HSDL2: variants seen among roughly 807,000 people sequenced by gnomAD.
The protein encoded by HSDL2 is hydroxysteroid dehydrogenase like 2.
Under a neutral mutation model 46.3 loss-of-function variants are expected in HSDL2, and 27 were observed. The ratio of observed to expected loss-of-function variants is 0.58; its 90% CI spans 0.43 to 0.80. The LOEUF is 0.80. HSDL2 is among the 30% of genes least tolerant of loss of function. HSDL2 has a pLI of 0.00. For synonymous variants in HSDL2, 153 were observed against 163.6 expected (o/e 0.94, Z 0.50); for missense variants, 451 against 502.7 (o/e 0.90, Z 0.98).
intron 8 of HSDL2, among the ~76,000 whole-genome samples, chr9:112,448,405 T>C (rs1832795025): frequency 1.3e-5 from 2 of 152,168 alleles, no homozygotes; most frequent in Admixed American, 6.6e-5. Context: ...AGATGGACAT[T>C]TTTTTAATCA....
chr9:112,431,496 C>A (rs188588998), intron 6 of HSDL2, among the ~76,000 whole-genome samples: 1 of 152,078 alleles, frequency 6.6e-6, no homozygotes, highest in African/African-American at 2.4e-5. Flanking sequence ...GGGAGTGATA[C>A]AGTTTGGATG....
intron 8 of HSDL2, among the ~76,000 whole-genome samples, chr9:112,449,806 C>T (rs1470084125): frequency 4.6e-5 from 7 of 151,290 alleles, no homozygotes; most frequent in Non-Finnish European, 5.9e-5. Context: ...GCACTCCAGA[C>T]GGGGTGACAG....
At chr9:112,463,033 GT>G (rs1161089863) in intron 10 of HSDL2, among the ~76,000 whole-genome samples, 2 of 152,074 alleles carry the variant, frequency 1.3e-5, no homozygotes, top group African/African-American at 4.8e-5. Flanking sequence ...CAGTAGTTCG[GT>G]TCCTTTTTAT....
At chr9:112,403,142 T>C (rs73535959) in intron 1 of HSDL2, among the ~76,000 whole-genome samples, 1,952 of 152,322 alleles carry the variant, frequency 0.013, 51 homozygotes, top group African/African-American at 0.044. Flanking sequence ...ACGCAATTCA[T>C]TGGCTTTTAA....
chr9:112,439,188 G>A (rs981796636), intron 7 of HSDL2, among the ~76,000 whole-genome samples: 1 of 152,140 alleles, frequency 6.6e-6, no homozygotes, highest in African/African-American at 2.4e-5. Flanking sequence ...TGTAGATGTG[G>A]GGTTTCACCA....
intron 6 of HSDL2, among the ~76,000 whole-genome samples, chr9:112,435,792 G>T (rs1470991030): frequency 1.3e-5 from 2 of 151,882 alleles, no homozygotes. Flanking sequence ...GAATGCAATG[G>T]CACAGTCATA....
intron 9 of HSDL2, among the ~76,000 whole-genome samples, chr9:112,458,515 C>T (rs1288036562): frequency 2.0e-5 from 3 of 151,232 alleles, no homozygotes; most frequent in Non-Finnish European, 4.4e-5. Flanking sequence ...TTAGTAGAAA[C>T]GGGGTTTCAC....
At chr9:112,408,405 G>T (rs945434613) in intron 3 of HSDL2, among the ~76,000 whole-genome samples, 1 of 152,116 alleles carries the variant, frequency 6.6e-6, no homozygotes, top group Non-Finnish European at 1.5e-5. Flanking sequence ...AATCATGCAG[G>T]TGCTATTTTG....
At chr9:112,380,227 G>A (rs7867831) in intron 1 of HSDL2, 47 bp downstream of exon 1, 318 of 1,520,798 alleles carry the variant, frequency 2.1e-4, no homozygotes, top group Non-Finnish European at 2.5e-4. Context: ...CGGGCGAAGG[G>A]CGCGTCTCGG....
chr9:112,452,434 G>A (rs1203039351), intron 8 of HSDL2, among the ~76,000 whole-genome samples: 1 of 152,138 alleles, frequency 6.6e-6, no homozygotes, highest in East Asian at 1.9e-4. Context: ...GCCTCTATGT[G>A]ATTCTAGAAT....
At chr9:112,461,739 A>T (rs1833216336) in intron 10 of HSDL2, among the ~76,000 whole-genome samples, 1 of 152,346 alleles carries the variant, frequency 6.6e-6, no homozygotes, top group East Asian at 1.9e-4. Context: ...GAGAAAATAG[A>T]GCAAGGATTT....
chr9:112,424,490 T>A (rs1832204224), intron 6 of HSDL2, among the ~76,000 whole-genome samples: 1 of 152,086 alleles, frequency 6.6e-6, no homozygotes. Flanking sequence ...TATAATAATA[T>A]TCCAATTCTT....
chr9:112,416,763 G>GC lies in HSDL2; in HGVS notation c.396-73dup, dbSNP rs559969770. Reference sequence around the variant, plus strand: ...ACTCCAGCCTGGGCAACAGAGCAAGGCCCCCTCTCTTAAAAAAAAAAGTGG... The same window carrying GC: ...ACTCCAGCCTGGGCAACAGAGCAAGGCCCCCCTCTCTTAAAAAAAAAAGTGG... On this transcript the variant is annotated intron_variant, in intron 4 of 10. Coordinates refer to ENST00000398805, the MANE Select transcript of HSDL2 (RefSeq NM_032303.5). 8.0e-4 allele frequency: 555 copies of GC among 689,804 alleles called. 2 individuals carry two copies. Among genetic ancestry groups the GC allele is most frequent in the Non-Finnish European group, 1.1e-3 (422 of 384,108 alleles). 42.7% of individuals were successfully genotyped at this position (689,804 alleles called of 1,614,324 possible).
Position 112,471,807 on chromosome 9 carries a change from T to A in HSDL2, c.*1263T>A, listed in dbSNP as rs1170108052. On this transcript the variant is annotated 3_prime_UTR_variant, in exon 11 of 11. Coordinates refer to ENST00000398805, the MANE Select transcript of HSDL2 (RefSeq NM_032303.5). ...AAAAAGCTCTTATCTTTCATTTCAA[T>A]CAGTTAAAAATACTTGCTCAGTGTA... 8.5e-5 allele frequency: 13 copies of A among 152,228 alleles called. No homozygotes were observed. The highest frequency in any genetic ancestry group is 2.9e-4 in the African/African-American group (12 of 41,478). 9.4% of individuals were successfully genotyped at this position (152,228 alleles called of 1,614,324 possible). A position where few individuals can be genotyped will look rare whatever the true frequency, so the allele number is the denominator to read the frequency against.
At chr9:112,409,104 A>T in intron 4 of HSDL2, 83 bp downstream of exon 4, 1 of 756,018 alleles carries the variant, frequency 1.3e-6, no homozygotes, top group Non-Finnish European at 2.3e-6. Context: ...ATTTGAGCCA[A>T]ATTAACAGTG....
At chr9:112,380,353 G>A (rs1831055731) in intron 1 of HSDL2, among the ~76,000 whole-genome samples, 173 bp downstream of exon 1, 1 of 152,132 alleles carries the variant, frequency 6.6e-6, no homozygotes, top group Non-Finnish European at 1.5e-5. Context: ...AGAATCTGCG[G>A]TAACGTGTGA....
chr9:112,392,954 G>C (rs1469222437), intron 1 of HSDL2, among the ~76,000 whole-genome samples: 1 of 152,202 alleles, frequency 6.6e-6, no homozygotes, highest in Non-Finnish European at 1.5e-5. Context: ...GGTTCCAACT[G>C]TTCCCTCCAT....
chr9:112,398,541 G>A (rs1170296269), intron 1 of HSDL2, among the ~76,000 whole-genome samples: 1 of 152,016 alleles, frequency 6.6e-6, no homozygotes, highest in Admixed American at 6.6e-5. Context: ...TCGTCAGGTA[G>A]GGGAGGAGTT....
chr9:112,410,885 C>T (rs1046537652), intron 4 of HSDL2, among the ~76,000 whole-genome samples: 2 of 152,148 alleles, frequency 1.3e-5, no homozygotes, highest in Admixed American at 1.3e-4. Context: ...GCTGAGATCA[C>T]CCTACTGCAC....
Sources: gnomAD v4.1 joint callset for allele counts (sites outside exome capture counted in the v4.1 genomes callset) on GRCh38, gnomAD v4.1.1 for gene constraint, MANE v1.5 for transcripts, NCBI Gene and HGNC (gene_info 2026-07-23, HGNC 2026-07-21) for gene names.